The following PTPRT variants were observed in gnomAD, a reference collection of about 807,000 sequenced individuals.
The protein encoded by PTPRT is protein tyrosine phosphatase receptor type T.
A neutral mutation model predicts 176.8 loss-of-function variants in PTPRT; 56 were observed. The ratio of observed to expected loss-of-function variants is 0.32; its 90% CI spans 0.26 to 0.40. The LOEUF (loss-of-function observed/expected upper bound fraction) is 0.40. Among genes scored for constraint, PTPRT ranks in the 10% least tolerant of loss-of-function variants. The pLI is 1.00. For synonymous variants in PTPRT, 783 were observed against 739.0 expected (o/e 1.06, Z -0.96); for missense variants, 1,540 against 1,908.2 (o/e 0.81, Z 3.60).
At chr20:42,711,393 G>A (rs1050677636) in intron 6 of PTPRT, among the ~76,000 whole-genome samples, 18 of 152,082 alleles carry the variant, frequency 1.2e-4, no homozygotes, top group African/African-American at 3.4e-4. Flanking sequence ...CCTCATGAAT[G>A]TCTTAAGGCT....
At chr20:43,042,743 C>G (rs1986666570) in intron 1 of PTPRT, among the ~76,000 whole-genome samples, 1 of 148,076 alleles carries the variant, frequency 6.8e-6, no homozygotes, top group African/African-American at 2.5e-5. Flanking sequence ...CACCCACCAT[C>G]TCTCCTCCCA....
chr20:42,179,000 T>C (rs1454505171), intron 16 of PTPRT, among the ~76,000 whole-genome samples: 1 of 152,182 alleles, frequency 6.6e-6, no homozygotes, highest in East Asian at 1.9e-4. Flanking sequence ...TATCATATCC[T>C]ATTCATTGGA....
chr20:43,106,684 A>T (rs2012623800), intron 1 of PTPRT, among the ~76,000 whole-genome samples: 2 of 140,040 alleles, frequency 1.4e-5, no homozygotes, highest in Admixed American at 1.4e-4. Flanking sequence ...AAAAAAAAAA[A>T]AAGGAATGAA....
chr20:42,484,187 T>C (rs1299551177), intron 7 of PTPRT, among the ~76,000 whole-genome samples: 1 of 152,214 alleles, frequency 6.6e-6, no homozygotes, highest in Admixed American at 6.5e-5. Context: ...AGGTTCACAG[T>C]GCCCTTGGTG....
At chr20:43,021,136 A>C (rs1349408987) in intron 1 of PTPRT, among the ~76,000 whole-genome samples, 1 of 152,230 alleles carries the variant, frequency 6.6e-6, no homozygotes, top group Non-Finnish European at 1.5e-5. Flanking sequence ...AATTAAATAA[A>C]GAAATTAAGA....
At chr20:42,450,570 T>C (rs550326724) in intron 8 of PTPRT, among the ~76,000 whole-genome samples, 2 of 152,344 alleles carry the variant, frequency 1.3e-5, no homozygotes, top group Non-Finnish European at 2.9e-5. Context: ...GGGCTCGTCA[T>C]TGTAATTTCA....
chr20:42,430,035 G>C (rs2059201807), intron 9 of PTPRT, among the ~76,000 whole-genome samples: 2 of 152,208 alleles, frequency 1.3e-5, no homozygotes, highest in Non-Finnish European at 2.9e-5. Flanking sequence ...GAGCTGTTGG[G>C]ATTTATAAGG....
intron 7 of PTPRT, among the ~76,000 whole-genome samples, chr20:42,537,728 CCT>C (rs1477297252): frequency 6.6e-6 from 1 of 152,160 alleles, no homozygotes; most frequent in Non-Finnish European, 1.5e-5. Context: ...AGACGTGCTC[CCT>C]GTTTTCATGG....
chr20:42,118,427 G>T lies in PTPRT; in HGVS notation c.2958C>A (p.Val986=). ...CCCTGCCCACTTCCACCAGGTTTGT[G>T]ACCATGACGATGCTGGCGGAGTTCT... is the stretch of plus-strand genomic sequence containing the variant. The part of the protein sequence containing the change: ...WQENSASIVM[V]TNLVEVGRVK... Residue 986 remains valine, a synonymous_variant, in exon 21 of 31, where the codon GTC becomes GTA. Coordinates refer to ENST00000373187, the MANE Select transcript of PTPRT (RefSeq NM_007050.6). 6.2e-7 allele frequency: 1 copy of T among 1,613,052 alleles called. No individual in the cohort carries two copies. Among genetic ancestry groups the T allele is most frequent in the South Asian group, 1.1e-5 (1 of 90,890 alleles).
intron 15 of PTPRT, among the ~76,000 whole-genome samples, chr20:42,206,845 A>G (rs2055482188): frequency 6.6e-6 from 1 of 152,240 alleles, no homozygotes; most frequent in Non-Finnish European, 1.5e-5. Context: ...GGCAGGGCAC[A>G]GACAAACAAA....
intron 12 of PTPRT, among the ~76,000 whole-genome samples, chr20:42,289,537 G>A (rs1176305782): frequency 6.6e-6 from 1 of 151,940 alleles, no homozygotes; most frequent in Non-Finnish European, 1.5e-5. Context: ...AAAATGCTCA[G>A]CATTGTTAAT....
In PTPRT at chr20:42,285,553, A is replaced by T. The variant is rs2867027; in HGVS notation, c.2140-3028T>A. 2.4e-4 allele frequency among the ~76,000 whole-genome samples: 37 copies of T among 152,100 alleles called. No individual in the cohort carries two copies. In the East Asian group the frequency reaches 6.8e-3, roughly 28 times the overall value. On this transcript the variant is annotated intron_variant, in intron 12 of 30. Coordinates refer to ENST00000373187, the MANE Select transcript of PTPRT (RefSeq NM_007050.6). Reference sequence around the variant, plus strand: ...TAACTTTAAATATAAATGAAGCTTTATATTCAATGATGTTGGTTCCAGTGT... The same window carrying T: ...TAACTTTAAATATAAATGAAGCTTTTTATTCAATGATGTTGGTTCCAGTGT...
chr20:43,078,110 A>G (rs1206965334), intron 1 of PTPRT, among the ~76,000 whole-genome samples: 1 of 152,230 alleles, frequency 6.6e-6, no homozygotes, highest in Non-Finnish European at 1.5e-5. Flanking sequence ...TACAAGCTTC[A>G]TCATAGCAGA....
chr20:42,633,819 A>ATATATATATAT (rs1162225733), intron 7 of PTPRT, among the ~76,000 whole-genome samples: 1 of 85,610 alleles, frequency 1.2e-5, no homozygotes, highest in African/African-American at 6.7e-5. Flanking sequence ...ATATATATAT[A>ATATATATATAT]ATAAAATATT....
At chr20:42,881,049 C>T (rs1335359795) in intron 2 of PTPRT, among the ~76,000 whole-genome samples, 1 of 152,220 alleles carries the variant, frequency 6.6e-6, no homozygotes, top group East Asian at 1.9e-4. Context: ...TGTAAAGCAG[C>T]ATCAGTGAGC....
the PTPRT span, among the ~76,000 whole-genome samples, chr20:42,054,583 G>T: frequency 6.6e-6 from 1 of 152,156 alleles, no homozygotes; most frequent in Admixed American, 6.5e-5. Context: ...AGGTGTGCTT[G>T]GGTAGAGGTA....
At chr20:43,060,141 G>A (rs1568759873) in intron 1 of PTPRT, among the ~76,000 whole-genome samples, 1 of 151,978 alleles carries the variant, frequency 6.6e-6, no homozygotes, top group Non-Finnish European at 1.5e-5. Context: ...TTTGGCACAG[G>A]AGCACCCCCA....
chr20:42,364,978 T>G (rs2058493959), intron 9 of PTPRT, among the ~76,000 whole-genome samples: 1 of 152,220 alleles, frequency 6.6e-6, no homozygotes, highest in Non-Finnish European at 1.5e-5. Flanking sequence ...ATAGCTGCAC[T>G]GCCCATTAGA....
chr20:42,189,552 T>A (rs1230001341), intron 16 of PTPRT, among the ~76,000 whole-genome samples: 1 of 152,176 alleles, frequency 6.6e-6, no homozygotes, highest in Non-Finnish European at 1.5e-5. Flanking sequence ...AACCAGGAGA[T>A]GAAAAGTATA....
Sources: allele counts gnomAD v4.1 joint callset (sites outside exome capture counted in the v4.1 genomes callset), GRCh38; gene constraint gnomAD v4.1.1; transcripts MANE v1.5; gene names NCBI Gene and HGNC (gene_info 2026-07-23, HGNC 2026-07-21).